PALLD: variants seen among roughly 807,000 people sequenced by gnomAD.
The protein encoded by PALLD is palladin.
PALLD carries 61 observed loss-of-function variants against 123.5 expected under a neutral mutation model. The ratio of observed to expected loss-of-function variants is 0.49; its 90% CI spans 0.40 to 0.61. PALLD has a LOEUF of 0.61. PALLD is among the 20% of genes least tolerant of loss of function. PALLD has a pLI of 0.00. For missense variants in PALLD, 1,273 were observed against 1,377.0 expected (o/e 0.92, Z 1.20); for synonymous variants, 465 against 496.4 (o/e 0.94, Z 0.84).
rs1762791261 is a variant in PALLD, at chr4:168,928,173, A to G, written c.*1993A>G. ...ATATGCATTGCTAATATGGAATTTA[A>G]GATACCATACACAGTCTCTCATGGA... On this transcript the variant is annotated 3_prime_UTR_variant, in exon 22 of 22. Transcript: ENST00000505667. The G allele has an allele frequency of 5.3e-6, 1 of 188,788 alleles. No individual in the cohort carries two copies. Among genetic ancestry groups the G allele is most frequent in the South Asian group, 2.0e-4 (1 of 5,124 alleles). The allele number at this position is 188,788 out of a possible 1,614,324, so 11.7% of individuals were successfully genotyped here. A position where few individuals can be genotyped will look rare whatever the true frequency, so the allele number is the denominator to read the frequency against.
intron 10 of PALLD, among the ~76,000 whole-genome samples, chr4:168,876,806 G>A (rs896104565): frequency 3.3e-5 from 5 of 152,032 alleles, no homozygotes; most frequent in Non-Finnish European, 5.9e-5. Flanking sequence ...TTACAGTGCC[G>A]CCTTCTGTTG....
chr4:168,891,174 T>C (rs981298706), intron 11 of PALLD, 117 bp downstream of exon 11: 3 of 1,070,592 alleles, frequency 2.8e-6, no homozygotes, highest in Admixed American at 1.9e-5. Context: ...TTATTATTAT[T>C]ATTTTTGAGA....
At chr4:168,783,039 T>TAC (rs1345599228) in intron 10 of PALLD, among the ~76,000 whole-genome samples, 2 of 86,288 alleles carry the variant, frequency 2.3e-5, no homozygotes, top group Admixed American at 1.1e-4. Flanking sequence ...ACAAATTTTA[T>TAC]ATATATATGT....
chr4:168,648,907 ATCT>A (rs1357168632), intron 2 of PALLD: 1 of 152,250 alleles, frequency 6.6e-6, no homozygotes, highest in African/African-American at 2.4e-5. Flanking sequence ...ACACCTTGTC[ATCT>A]TCTCCTGTAT....
chr4:168,620,338 G>A (rs572986046), intron 2 of PALLD, among the ~76,000 whole-genome samples: 2 of 152,124 alleles, frequency 1.3e-5, no homozygotes, highest in African/African-American at 4.8e-5. Context: ...TCCTGTAATC[G>A]CAGCTACTCA....
intron 10 of PALLD, among the ~76,000 whole-genome samples, chr4:168,854,414 G>A (rs951532422): frequency 6.6e-6 from 1 of 152,180 alleles, no homozygotes; most frequent in African/African-American, 2.4e-5. Context: ...GGAAAAATAC[G>A]TATTGACAAA....
intron 2 of PALLD, among the ~76,000 whole-genome samples, chr4:168,640,131 C>T (rs1418410608): frequency 1.3e-5 from 2 of 152,252 alleles, no homozygotes; most frequent in East Asian, 3.9e-4. Flanking sequence ...CTTTCATGCT[C>T]GTGTTTCAAG....
At chr4:168,702,583 G>A (rs547197228) in intron 8 of PALLD, among the ~76,000 whole-genome samples, 8 of 152,012 alleles carry the variant, frequency 5.3e-5, no homozygotes, top group Non-Finnish European at 7.4e-5. Flanking sequence ...CATGCGTGTC[G>A]GAGATGGGAC....
chr4:168,700,719 T>G (rs1306124067), intron 8 of PALLD: 1 of 152,128 alleles, frequency 6.6e-6, no homozygotes, highest in African/African-American at 2.4e-5. Context: ...CAATAAATTA[T>G]TTAGCAGGGT....
At chr4:168,713,295 A>G (rs969095459) in intron 10 of PALLD, among the ~76,000 whole-genome samples, 2 of 152,198 alleles carry the variant, frequency 1.3e-5, no homozygotes, top group Admixed American at 1.3e-4. Context: ...CTTAAAAGAG[A>G]TTTATGCTCT....
At chr4:168,804,668 T>C (rs1411821149) in intron 10 of PALLD, among the ~76,000 whole-genome samples, 1 of 152,236 alleles carries the variant, frequency 6.6e-6, no homozygotes, top group Non-Finnish European at 1.5e-5. Context: ...TACTATTAAG[T>C]AAGCATGGAA....
intron 10 of PALLD, among the ~76,000 whole-genome samples, chr4:168,815,958 G>A (rs1275418711): frequency 6.6e-6 from 1 of 152,186 alleles, no homozygotes; most frequent in South Asian, 2.1e-4. Context: ...AGGGCTAATT[G>A]CAAGAGGATT....
chr4:168,818,200 G>A (rs1403132710), intron 10 of PALLD, among the ~76,000 whole-genome samples: 1 of 151,686 alleles, frequency 6.6e-6, no homozygotes, highest in Non-Finnish European at 1.5e-5. Context: ...ATGAGACACA[G>A]TGTTATGCCC....
At chr4:168,606,223 A>ATTGTTG (rs1165560778) in intron 2 of PALLD, among the ~76,000 whole-genome samples, 1 of 151,952 alleles carries the variant, frequency 6.6e-6, no homozygotes, top group Non-Finnish European at 1.5e-5. Context: ...TGGACACTTT[A>ATTGTTG]TTGTTGTTGT....
At chr4:168,892,864 C>T (rs1470231330) in intron 11 of PALLD, among the ~76,000 whole-genome samples, 2 of 152,024 alleles carry the variant, frequency 1.3e-5, no homozygotes, top group Non-Finnish European at 2.9e-5. Context: ...ATCTGTTTAG[C>T]AGTGAATAAC....
chr4:168,643,688 C>A (rs1481602409), intron 2 of PALLD, among the ~76,000 whole-genome samples: 1 of 152,160 alleles, frequency 6.6e-6, no homozygotes, highest in Non-Finnish European at 1.5e-5. Flanking sequence ...TTTATGACCG[C>A]AGGTGACCTA....
intron 3 of PALLD, among the ~76,000 whole-genome samples, chr4:168,672,306 T>C (rs976917347): frequency 6.6e-6 from 1 of 152,200 alleles, no homozygotes; most frequent in African/African-American, 2.4e-5. Context: ...TTGTTAACTA[T>C]AGTCATCCTG....
intron 1 of PALLD, among the ~76,000 whole-genome samples, chr4:168,497,708 G>A (rs538554512): frequency 2.0e-5 from 3 of 152,308 alleles, no homozygotes; most frequent in Non-Finnish European, 2.9e-5. Context: ...AGTTGGGATA[G>A]TAACAGCAGG....
intron 10 of PALLD, among the ~76,000 whole-genome samples, chr4:168,718,263 T>C (rs1785560487): frequency 6.6e-6 from 1 of 152,204 alleles, no homozygotes; most frequent in Admixed American, 6.5e-5. Flanking sequence ...GTTCTGTTCT[T>C]GTATAAACCT....
Sources: gnomAD v4.1 joint callset for allele counts (sites outside exome capture counted in the v4.1 genomes callset) on GRCh38, gnomAD v4.1.1 for gene constraint, MANE v1.5 for transcripts, NCBI Gene and HGNC (gene_info 2026-07-23, HGNC 2026-07-21) for gene names.